The following CSGALNACT1 variants were observed in gnomAD, a reference collection of about 807,000 sequenced individuals.
CSGALNACT1 encodes chondroitin sulfate N-acetylgalactosaminyltransferase 1.
Under a neutral mutation model 51.0 loss-of-function variants are expected in CSGALNACT1, and 52 were observed. The ratio of observed to expected loss-of-function variants is 1.02; its 90% CI spans 0.82 to 1.29. The LOEUF (loss-of-function observed/expected upper bound fraction) is 1.29, where lower values mean the gene tolerates loss of function less well. Among genes scored for constraint, CSGALNACT1 ranks in the 50% most tolerant of loss-of-function variants. The probability of loss-of-function intolerance (pLI) is 0.00; values close to 1 mark genes in which losing one functional copy is unlikely to be tolerated. For synonymous variants in CSGALNACT1, 341 were observed against 254.4 expected (o/e 1.34, Z -3.24); for missense variants, 935 against 679.2 (o/e 1.38, Z -4.19).
intron 4 of CSGALNACT1, among the ~76,000 whole-genome samples, chr8:19,504,981 C>G (rs2077031874): frequency 6.6e-6 from 1 of 152,146 alleles, no homozygotes; most frequent in Admixed American, 6.5e-5. Flanking sequence ...AACAATGAAA[C>G]TGTCCACTCA....
intron 3 of CSGALNACT1, among the ~76,000 whole-genome samples, chr8:19,556,775 C>A (rs975428835): frequency 6.6e-6 from 1 of 151,832 alleles, no homozygotes; most frequent in Admixed American, 6.6e-5. Flanking sequence ...TATCTTGAAG[C>A]AAATTTAATC....
intron 4 of CSGALNACT1, among the ~76,000 whole-genome samples, chr8:19,493,993 T>G (rs138224918): frequency 6.6e-6 from 1 of 152,108 alleles, no homozygotes; most frequent in Admixed American, 6.5e-5. Context: ...CTGCCTCCAA[T>G]GTAATCCTCT....
intron 1 of CSGALNACT1, among the ~76,000 whole-genome samples, chr8:19,720,829 G>A (rs1348825318): frequency 6.6e-6 from 1 of 152,206 alleles, no homozygotes; most frequent in Admixed American, 6.5e-5. Flanking sequence ...TTGGTTGCAT[G>A]TTTTAAAACA....
intron 2 of CSGALNACT1, among the ~76,000 whole-genome samples, chr8:19,596,804 T>C (rs1173698751): frequency 1.3e-5 from 2 of 152,196 alleles, no homozygotes; most frequent in Admixed American, 6.5e-5. Flanking sequence ...AATAGACACT[T>C]TGACTTTTTA....
intron 1 of CSGALNACT1, among the ~76,000 whole-genome samples, chr8:19,736,377 T>C (rs1186957955): frequency 1.3e-5 from 2 of 152,154 alleles, no homozygotes; most frequent in South Asian, 2.1e-4. Flanking sequence ...TCCAGCCCTT[T>C]ACAGAAAAAG....
At chr8:19,504,370 C>T (rs1199692859) in intron 4 of CSGALNACT1, among the ~76,000 whole-genome samples, 1 of 152,228 alleles carries the variant, frequency 6.6e-6, no homozygotes, top group Non-Finnish European at 1.5e-5. Context: ...GCCACTGCAC[C>T]CGGCCAGATG....
intron 1 of CSGALNACT1, among the ~76,000 whole-genome samples, chr8:19,679,833 T>C (rs551923646): frequency 2.0e-4 from 30 of 152,304 alleles, no homozygotes; most frequent in Admixed American, 4.6e-4. Context: ...TGCGGCTTTA[T>C]AGAAATAACT....
At chr8:19,714,991 C>A (rs576336567) in intron 1 of CSGALNACT1, among the ~76,000 whole-genome samples, 1 of 152,204 alleles carries the variant, frequency 6.6e-6, no homozygotes, top group African/African-American at 2.4e-5. Flanking sequence ...TGTATTAGTC[C>A]GTTTTTATGC....
chr8:19,457,833 A>T lies in CSGALNACT1; in HGVS notation c.851+593T>A, dbSNP rs112056155. ...TCAGCAGGCCTGAAAAATGAAACCC[A>T]GCTTAGTCTCATTGAGTAGCTACAA... On this transcript the variant is annotated intron_variant, in intron 5 of 9. Transcript: ENST00000454498. 7 of 1,349,560 alleles carry T rather than the reference A, an allele frequency of 5.2e-6. No individual in the cohort carries two copies. In the African/African-American group the frequency reaches 8.8e-5, roughly 17 times the overall value. 83.6% of individuals were successfully genotyped at this position (1,349,560 alleles called of 1,614,324 possible).
chr8:19,583,293 T>C (rs944640909), intron 3 of CSGALNACT1, among the ~76,000 whole-genome samples: 1 of 152,242 alleles, frequency 6.6e-6, no homozygotes, highest in Non-Finnish European at 1.5e-5. Context: ...ACAGTGATAG[T>C]ACTTTTTTCT....
chr8:19,753,217 G>C (rs1320536493), intron 1 of CSGALNACT1, among the ~76,000 whole-genome samples: 1 of 152,130 alleles, frequency 6.6e-6, no homozygotes, highest in African/African-American at 2.4e-5. Context: ...CTTTTCATGT[G>C]CGCAGAATCC....
chr8:19,647,704 C>T (rs1259931759), intron 1 of CSGALNACT1, among the ~76,000 whole-genome samples: 1 of 152,186 alleles, frequency 6.6e-6, no homozygotes, highest in Non-Finnish European at 1.5e-5. Flanking sequence ...CAAATATCTT[C>T]AATTACCCCA....
At chr8:19,691,029 C>T (rs1474469901) in intron 1 of CSGALNACT1, among the ~76,000 whole-genome samples, 1 of 152,180 alleles carries the variant, frequency 6.6e-6, no homozygotes, top group Non-Finnish European at 1.5e-5. Context: ...GAGTTCAAGG[C>T]TGCAGTGAGT....
intron 3 of CSGALNACT1, among the ~76,000 whole-genome samples, chr8:19,545,674 A>G (rs1454832079): frequency 2.0e-5 from 3 of 151,984 alleles, no homozygotes; most frequent in Non-Finnish European, 4.4e-5. Context: ...GAAAAAACGT[A>G]AGGAAATGGT....
chr8:19,418,530 A>T (rs2057322497), intron 8 of CSGALNACT1, 126 bp downstream of exon 7: 1 of 740,336 alleles, frequency 1.4e-6, no homozygotes, highest in South Asian at 1.5e-5. Context: ...ACATCTGCCA[A>T]ACGTAAAAAC....
intron 3 of CSGALNACT1, among the ~76,000 whole-genome samples, chr8:19,566,421 T>C (rs1286911898): frequency 6.6e-6 from 1 of 152,178 alleles, no homozygotes; most frequent in Non-Finnish European, 1.5e-5. Context: ...AATTTTTTTG[T>C]TAAAACCATA....
At chr8:19,488,018 C>A (rs932541073) in intron 4 of CSGALNACT1, among the ~76,000 whole-genome samples, 2 of 152,082 alleles carry the variant, frequency 1.3e-5, no homozygotes, top group African/African-American at 4.8e-5. Context: ...CAGTGATACA[C>A]TATGGGGGTT....
At chr8:19,655,456 G>A (rs2058176173) in intron 1 of CSGALNACT1, among the ~76,000 whole-genome samples, 1 of 151,966 alleles carries the variant, frequency 6.6e-6, no homozygotes, top group Admixed American at 6.6e-5. Flanking sequence ...GACCTCCTTG[G>A]CTCAATCAAT....
At chr8:19,589,129 T>A (rs530624063) in intron 3 of CSGALNACT1, among the ~76,000 whole-genome samples, 23 of 152,326 alleles carry the variant, frequency 1.5e-4, no homozygotes, top group African/African-American at 5.5e-4. Flanking sequence ...TCTAGGATTG[T>A]CTAGGGTGTT....
Sources: gnomAD v4.1 joint callset for allele counts (sites outside exome capture counted in the v4.1 genomes callset) on GRCh38, gnomAD v4.1.1 for gene constraint, MANE v1.5 for transcripts, NCBI Gene and HGNC (gene_info 2026-07-23, HGNC 2026-07-21) for gene names.